Variants in CADM1 observed in about 807,000 individuals in gnomAD.
CADM1 encodes the protein TSLC-1.
Under a neutral mutation model 53.1 loss-of-function variants are expected in CADM1, and 15 were observed. The observed-to-expected ratio is 0.28, with a 90% CI of 0.19 to 0.44. The LOEUF is 0.44. Ranked by LOEUF, CADM1 falls within the 20% of genes least tolerant of loss-of-function variation. The pLI, the probability that CADM1 is intolerant of heterozygous loss-of-function variation, is 1.00. For synonymous variants in CADM1, 281 were observed against 243.0 expected (o/e 1.16, Z -1.45); for missense variants, 434 against 611.3 (o/e 0.71, Z 3.06).
chr11:115,244,267 G>A (rs1440677013), intron 1 of CADM1, among the ~76,000 whole-genome samples: 3 of 152,160 alleles, frequency 2.0e-5, no homozygotes, highest in East Asian at 1.9e-4. Flanking sequence ...GGGGTGCAGC[G>A]GGCACATAAA....
chr11:115,243,086 A>G (rs964355473), intron 1 of CADM1, among the ~76,000 whole-genome samples: 1 of 152,226 alleles, frequency 6.6e-6, no homozygotes, highest in African/African-American at 2.4e-5. Flanking sequence ...TTCTAGAAAC[A>G]TTCTTAATCA....
intron 1 of CADM1, among the ~76,000 whole-genome samples, chr11:115,310,136 G>A (rs1035267558): frequency 2.6e-5 from 4 of 152,050 alleles, no homozygotes; most frequent in African/African-American, 4.8e-5. Flanking sequence ...ATGCACGATG[G>A]GGAAAGGCAA....
At chr11:115,198,698 T>C (rs1565292487) in intron 8 of CADM1, among the ~76,000 whole-genome samples, 3 of 152,282 alleles carry the variant, frequency 2.0e-5, no homozygotes, top group South Asian at 2.1e-4. Context: ...CCAGGACACA[T>C]ATATTTGCTA....
At chr11:115,486,526 G>A (rs944616141) in intron 1 of CADM1, among the ~76,000 whole-genome samples, 16 of 151,492 alleles carry the variant, frequency 1.1e-4, no homozygotes, top group African/African-American at 3.9e-4. Context: ...TTTATTTCTT[G>A]TAGAGACGGG....
At position 115,293,358 on chromosome 11, in the gene CADM1, G is replaced by A. The variant is rs569441147; in HGVS notation, c.125-52938C>T. Among the ~76,000 whole-genome samples, 10 of 152,198 alleles carry A rather than the reference G, an allele frequency of 6.6e-5. No homozygotes were observed. The South Asian group carries it at 1.7e-3, about 25-fold the overall frequency. On this transcript the variant is annotated intron_variant, in intron 1 of 11. Transcript: ENST00000331581. Reference sequence around the variant, plus strand: ...TGAGGCAGGAGAATGGCGTGAACCCGGCAGGCGGAGCTTGCAGTGAGCGGA... The same window carrying A: ...TGAGGCAGGAGAATGGCGTGAACCCAGCAGGCGGAGCTTGCAGTGAGCGGA...
chr11:115,219,019 GTT>G (rs1941302962), intron 5 of CADM1, among the ~76,000 whole-genome samples: 1 of 152,130 alleles, frequency 6.6e-6, no homozygotes, highest in African/African-American at 2.4e-5. Flanking sequence ...CCCTAAATCG[GTT>G]TTCTCATTTA....
chr11:115,244,480 G>A (rs1942344027), intron 1 of CADM1, among the ~76,000 whole-genome samples: 1 of 152,178 alleles, frequency 6.6e-6, no homozygotes. Context: ...GTTTATCCAG[G>A]GCTGGGCACT....
At chr11:115,209,310 G>T (rs915127410) in intron 8 of CADM1, among the ~76,000 whole-genome samples, 1 of 152,152 alleles carries the variant, frequency 6.6e-6, no homozygotes, top group African/African-American at 2.4e-5. Context: ...ATTTTCCCTA[G>T]CATTTTGCTT....
intron 8 of CADM1, among the ~76,000 whole-genome samples, chr11:115,200,570 ACC>A (rs1459614710): frequency 5.9e-5 from 9 of 152,046 alleles, no homozygotes; most frequent in Non-Finnish European, 8.8e-5. Flanking sequence ...ATCTTGGCTC[ACC>A]GCAACCTCTG....
chr11:115,407,235 G>A (rs750182413), intron 1 of CADM1, among the ~76,000 whole-genome samples: 10 of 152,102 alleles, frequency 6.6e-5, no homozygotes, highest in African/African-American at 9.7e-5. Context: ...CCAAGACTGC[G>A]GGTGCTATTG....
At chr11:115,396,477 C>T (rs1946999486) in intron 1 of CADM1, among the ~76,000 whole-genome samples, 2 of 152,140 alleles carry the variant, frequency 1.3e-5, no homozygotes, top group South Asian at 2.1e-4. Flanking sequence ...CAACAATATT[C>T]GTTGGCCAAC....
At chr11:115,406,804 C>T (rs1178947116) in intron 1 of CADM1, among the ~76,000 whole-genome samples, 1 of 151,370 alleles carries the variant, frequency 6.6e-6, no homozygotes, top group Admixed American at 6.6e-5. Flanking sequence ...AAAAAATTAG[C>T]TGGGCATGGT....
intron 1 of CADM1, among the ~76,000 whole-genome samples, chr11:115,497,493 G>A (rs533052758): frequency 6.6e-5 from 10 of 152,156 alleles, no homozygotes; most frequent in South Asian, 4.2e-4. Context: ...TATCTACATC[G>A]CCCTTTTTTC....
intron 6 of CADM1, among the ~76,000 whole-genome samples, chr11:115,215,423 CT>C (rs1449810762): frequency 2.0e-5 from 3 of 152,180 alleles, no homozygotes; most frequent in Non-Finnish European, 2.9e-5. Context: ...CCATGTCTAT[CT>C]GTTCCTTGGC....
intron 1 of CADM1, among the ~76,000 whole-genome samples, chr11:115,490,392 A>ATTTTTTTTTTTTTTTTTTTTTTTTT (rs35633504): frequency 9.1e-6 from 1 of 109,312 alleles, no homozygotes; most frequent in Non-Finnish European, 1.8e-5. Context: ...GGAAGAACAG[A>ATTTTTTTTTTTTTTTTTTTTTTTTT]TTTTTTTTTT....
Position 115,229,175 on chromosome 11 carries a change from C to T in CADM1, c.659G>A (p.Cys220Tyr), listed in dbSNP as rs1235338784. The change falls in exon 5 of 12, where the codon TGC (cysteine) becomes TAC (tyrosine). Residue 220 changes from cysteine to tyrosine, a missense_variant. This residue lies in a region of CADM1 where 311 missense variants were observed against 435.1 expected (regional missense o/e 0.71). Transcript: ENST00000331581. ...HKEDDGVPVI[C>Y]QVEHPAVTGN... is the part of the protein sequence containing the mutation. ...AGTGACCGCAGGGTGCTCCACCTGG[C>T]AGATCACTGGGACCCCATCGTCCTC... 6.2e-7 allele frequency: 1 copy of T among 1,614,108 alleles called. No individual in the cohort carries two copies.
chr11:115,259,797 T>G (rs1365725290), intron 1 of CADM1, among the ~76,000 whole-genome samples: 1 of 152,166 alleles, frequency 6.6e-6, no homozygotes, highest in East Asian at 1.9e-4. Context: ...CCTGAACTCT[T>G]CAGCATCGTT....
rs118048076 is a variant in CADM1 at position 115,475,558 on chromosome 11, C to T, written c.124+28713G>A. Among the ~76,000 whole-genome samples the T allele has an allele frequency of 4.8e-3, 736 of 152,218 alleles. 4 individuals are homozygous for T. Among genetic ancestry groups the T allele is most frequent in the Non-Finnish European group, 8.9e-3 (608 of 68,016 alleles). ...AATGAAGGGATAGACTATAGTACAT[C>T]CATACACCAGTGGAATACTACTTGG... On this transcript the variant is annotated intron_variant, in intron 1 of 11. Coordinates refer to ENST00000331581, the MANE Select transcript of CADM1 (RefSeq NM_001301043.2).
At chr11:115,189,966 G>C (rs943158694) in intron 10 of CADM1, among the ~76,000 whole-genome samples, 1 of 152,122 alleles carries the variant, frequency 6.6e-6, no homozygotes, top group African/African-American at 2.4e-5. Context: ...TCTCTCACCG[G>C]GTCAGACTTA....
Sources: gnomAD v4.1 joint callset for allele counts (sites outside exome capture counted in the v4.1 genomes callset) on GRCh38, gnomAD v4.1.1 for gene constraint, gnomAD v4.1.1 regional missense constraint, MANE v1.5 for transcripts, NCBI Gene and HGNC (gene_info 2026-07-23, HGNC 2026-07-21) for gene names.